The following YAP1 variants were observed in gnomAD, a reference collection of about 807,000 sequenced individuals.
The protein encoded by YAP1 is Yes1 associated transcriptional regulator, also known as transcriptional coactivator YAP1.
YAP1 carries 5 observed loss-of-function variants against 56.9 expected under a neutral mutation model. That is an observed-to-expected ratio of 0.09 (90% CI 0.05 to 0.18). The LOEUF is 0.18. YAP1 is among the 10% of genes least tolerant of loss of function. The pLI, the probability that YAP1 is intolerant of heterozygous loss-of-function variation, is 1.00. For synonymous variants in YAP1, 265 were observed against 248.1 expected, an observed-to-expected ratio of 1.07 and a Z score of -0.64; for missense variants, 539 against 651.8, an observed-to-expected ratio of 0.83 and a Z score of 1.88.
intron 2 of YAP1, among the ~76,000 whole-genome samples, chr11:102,136,573 G>A (rs534181942): frequency 2.6e-5 from 4 of 151,950 alleles, no homozygotes; most frequent in Non-Finnish European, 5.9e-5. Flanking sequence ...AGCTGGTGTC[G>A]AACTTCTGGG....
At chr11:102,124,884 G>GT (rs1565431273) in intron 2 of YAP1, among the ~76,000 whole-genome samples, 1 of 151,962 alleles carries the variant, frequency 6.6e-6, no homozygotes, top group South Asian at 2.1e-4. Context: ...CACAGATTGC[G>GT]TATCACCATG....
rs1167153077 is a variant in YAP1, at chr11:102,193,667, T to G, written c.802+7536T>G. 3.3e-5 allele frequency among the ~76,000 whole-genome samples: 5 copies of G among 152,160 alleles called. No individual in the cohort carries two copies. The South Asian group carries it at 1.0e-3, about 32-fold the overall frequency. On this transcript the variant is annotated intron_variant, in intron 4 of 8. Coordinates refer to ENST00000282441, the MANE Select transcript of YAP1 (RefSeq NM_001130145.3). ...AGTGAAGAAACATTTTTATCTTTCT[T>G]TACATAATGAGTACATTGTTCATAC...
chr11:102,112,334 C>T, intron 1 of YAP1: 1 of 899,708 alleles, frequency 1.1e-6, no homozygotes, highest in Non-Finnish European at 1.3e-6. Flanking sequence ...AGAAGTGAAA[C>T]TGTTTATAAT....
chr11:102,184,952 G>A (rs1947867347), intron 3 of YAP1, among the ~76,000 whole-genome samples: 1 of 152,174 alleles, frequency 6.6e-6, no homozygotes, highest in Admixed American at 6.5e-5. Flanking sequence ...ATTAGAATAA[G>A]TAGTACTACT....
chr11:102,206,795 T>C (rs1434415878), intron 5 of YAP1, among the ~76,000 whole-genome samples: 1 of 152,196 alleles, frequency 6.6e-6, no homozygotes, highest in Non-Finnish European at 1.5e-5. Context: ...TGAGCCAAGA[T>C]TGTGCCACCG....
At chr11:102,181,340 G>A (rs1173700200) in intron 3 of YAP1, among the ~76,000 whole-genome samples, 2 of 151,992 alleles carry the variant, frequency 1.3e-5, no homozygotes, top group Non-Finnish European at 2.9e-5. Context: ...CAGCTACTTG[G>A]GAGGCTGAGG....
At chr11:102,181,679 C>T (rs556909246) in intron 3 of YAP1, among the ~76,000 whole-genome samples, 49 of 152,272 alleles carry the variant, frequency 3.2e-4, no homozygotes, top group East Asian at 1.5e-3. Flanking sequence ...TCCTAGCAGA[C>T]GTGACTGTGT....
chr11:102,158,214 GT>G (rs1946063371), intron 2 of YAP1, among the ~76,000 whole-genome samples: 1 of 152,178 alleles, frequency 6.6e-6, no homozygotes, highest in African/African-American at 2.4e-5. Flanking sequence ...ATACAATATA[GT>G]TAGGTTTAAG....
intron 3 of YAP1, among the ~76,000 whole-genome samples, chr11:102,176,134 C>CA: frequency 6.6e-6 from 1 of 152,188 alleles, no homozygotes; most frequent in East Asian, 1.9e-4. Context: ...AATTGCAGAC[C>CA]AAAGTATCAC....
chr11:102,209,109 AT>A (rs1264731199), intron 5 of YAP1, among the ~76,000 whole-genome samples: 1 of 152,100 alleles, frequency 6.6e-6, no homozygotes, highest in Non-Finnish European at 1.5e-5. Flanking sequence ...CTATTTTTAG[AT>A]TTTTTTAAAG....
chr11:102,187,880 C>G (rs1304846040), intron 4 of YAP1, among the ~76,000 whole-genome samples: 2 of 152,216 alleles, frequency 1.3e-5, no homozygotes, highest in East Asian at 1.9e-4. Flanking sequence ...ATAAAATTCT[C>G]TTATTGCATT....
chr11:102,225,927 G>A (rs566566296), intron 7 of YAP1, among the ~76,000 whole-genome samples: 178 of 152,318 alleles, frequency 1.2e-3, no homozygotes, highest in African/African-American at 4.0e-3. Flanking sequence ...AATGAGTGGG[G>A]CCTGTAGGAA....
intron 2 of YAP1, among the ~76,000 whole-genome samples, chr11:102,140,732 A>G (rs1944970878): frequency 6.6e-6 from 1 of 151,986 alleles, no homozygotes; most frequent in South Asian, 2.1e-4. Flanking sequence ...AATCCTAGCT[A>G]CTTGGGAGGG....
intron 2 of YAP1, among the ~76,000 whole-genome samples, chr11:102,141,878 C>G (rs1447502120): frequency 1.3e-5 from 2 of 152,174 alleles, no homozygotes; most frequent in Non-Finnish European, 2.9e-5. Context: ...AGCTGATTTA[C>G]TGACTGAATT....
intron 4 of YAP1, among the ~76,000 whole-genome samples, chr11:102,196,820 T>TA (rs1565257289): frequency 6.6e-6 from 1 of 152,180 alleles, no homozygotes; most frequent in Non-Finnish European, 1.5e-5. Context: ...ACCTTTTGTA[T>TA]ATTGATCATA....
intron 2 of YAP1, among the ~76,000 whole-genome samples, chr11:102,152,409 T>G (rs1945707302): frequency 6.6e-6 from 1 of 152,208 alleles, no homozygotes; most frequent in Admixed American, 6.5e-5. Flanking sequence ...GCCATGCGAC[T>G]TTCACTCTGG....
intron 2 of YAP1, among the ~76,000 whole-genome samples, chr11:102,120,042 A>G (rs926756387): frequency 6.6e-6 from 1 of 152,234 alleles, no homozygotes; most frequent in Non-Finnish European, 1.5e-5. Flanking sequence ...AACTGTGGTT[A>G]CTAGGTGATG....
intron 2 of YAP1, among the ~76,000 whole-genome samples, chr11:102,134,120 C>T (rs573702327): frequency 4.6e-5 from 7 of 152,226 alleles, no homozygotes; most frequent in South Asian, 2.1e-4. Context: ...TGGGAGGACA[C>T]GGATATTTAG....
intron 2 of YAP1, among the ~76,000 whole-genome samples, chr11:102,121,977 T>C (rs1220798888): frequency 2.6e-5 from 4 of 152,124 alleles, no homozygotes; most frequent in Non-Finnish European, 5.9e-5. Flanking sequence ...TTTAAATTTT[T>C]TGTAGAGACC....
Sources: gnomAD v4.1 joint callset for allele counts (sites outside exome capture counted in the v4.1 genomes callset) on GRCh38, gnomAD v4.1.1 for gene constraint, MANE v1.5 for transcripts, NCBI Gene and HGNC (gene_info 2026-07-23, HGNC 2026-07-21) for gene names.